AFF3: variants seen among roughly 807,000 people sequenced by gnomAD.
AFF3 encodes the protein ALF transcription elongation factor 3, also known as AF4/FMR2 family member 3.
A neutral mutation model predicts 129.7 loss-of-function variants in AFF3; 32 were observed. The observed-to-expected ratio is 0.25, with a 90% CI of 0.19 to 0.33. AFF3 has a LOEUF of 0.33. Among genes scored for constraint, AFF3 ranks in the 10% least tolerant of loss-of-function variants. The pLI is 1.00. For missense variants in AFF3, 1,373 were observed against 1,592.0 expected (o/e 0.86, Z 2.34); for synonymous variants, 644 against 635.4 (o/e 1.01, Z -0.20).
intron 11 of AFF3, among the ~76,000 whole-genome samples, chr2:99,706,630 T>C (rs751111785): frequency 1.6e-4 from 25 of 152,228 alleles, no homozygotes; most frequent in Non-Finnish European, 1.8e-4. Context: ...GGAAGGACTA[T>C]AGAAAAGGCA....
intron 7 of AFF3, among the ~76,000 whole-genome samples, chr2:99,898,512 T>A (rs1163861203): frequency 2.6e-5 from 4 of 152,202 alleles, no homozygotes; most frequent in Admixed American, 2.0e-4. Context: ...GAACAAGCTC[T>A]TCCTCAGGAA....
intron 18 of AFF3, 120 bp downstream of exon 18, chr2:99,578,207 G>C (rs528473631): frequency 2.9e-6 from 4 of 1,367,754 alleles, no homozygotes; most frequent in South Asian, 1.7e-5. Flanking sequence ...CCAAGTCCCA[G>C]GGGAAAAAAA....
intron 11 of AFF3, among the ~76,000 whole-genome samples, chr2:99,715,062 G>T (rs980240027): frequency 1.3e-5 from 2 of 152,310 alleles, no homozygotes; most frequent in South Asian, 2.1e-4. Context: ...TCAGCCTCCT[G>T]CAGGACCTGC....
At chr2:100,001,627 C>T (rs535377047) in intron 7 of AFF3, among the ~76,000 whole-genome samples, 2 of 152,300 alleles carry the variant, frequency 1.3e-5, no homozygotes, top group African/African-American at 4.8e-5. Context: ...CGAGGTTTAC[C>T]GTGTTGGCCA....
intron 8 of AFF3, among the ~76,000 whole-genome samples, chr2:99,775,751 A>T (rs931108059): frequency 6.6e-6 from 1 of 152,192 alleles, no homozygotes; most frequent in African/African-American, 2.4e-5. Context: ...GCTCTCAAGA[A>T]GAAAGCCATT....
chr2:99,559,365 T>G, intron 21 of AFF3, among the ~76,000 whole-genome samples: 1 of 152,234 alleles, frequency 6.6e-6, no homozygotes, highest in East Asian at 1.9e-4. Context: ...CGCTGCCACC[T>G]GATGTTACTG....
chr2:99,998,086 C>A (rs1681023330), intron 7 of AFF3, among the ~76,000 whole-genome samples: 1 of 152,196 alleles, frequency 6.6e-6, no homozygotes, highest in Non-Finnish European at 1.5e-5. Flanking sequence ...CAGGAAGGCT[C>A]CTCTGACTTT....
chr2:99,777,031 T>A (rs1411397223), intron 8 of AFF3, among the ~76,000 whole-genome samples: 1 of 152,160 alleles, frequency 6.6e-6, no homozygotes, highest in Non-Finnish European at 1.5e-5. Context: ...CAAACACACA[T>A]ATGCTAAAGC....
At chr2:99,610,918 G>A (rs954521551) in intron 13 of AFF3, among the ~76,000 whole-genome samples, 1 of 152,098 alleles carries the variant, frequency 6.6e-6, no homozygotes, top group Non-Finnish European at 1.5e-5. Context: ...CTGGAACTCT[G>A]ATGACACCCA....
At chr2:100,073,299 T>C (rs1688343002) in intron 4 of AFF3, among the ~76,000 whole-genome samples, 1 of 152,230 alleles carries the variant, frequency 6.6e-6, no homozygotes, top group Admixed American at 6.5e-5. Flanking sequence ...GACACAGGCA[T>C]GCACACAGGC....
intron 15 of AFF3, among the ~76,000 whole-genome samples, chr2:99,591,803 C>T (rs1280734155): frequency 1.3e-5 from 2 of 152,234 alleles, no homozygotes; most frequent in Admixed American, 6.5e-5. Flanking sequence ...GGGTTAATTC[C>T]TGGCTCAGCC....
chr2:99,788,374 G>A (rs1684959747), intron 8 of AFF3, among the ~76,000 whole-genome samples: 1 of 152,160 alleles, frequency 6.6e-6, no homozygotes, highest in Non-Finnish European at 1.5e-5. Flanking sequence ...GACAAGATGT[G>A]GAGGTGGAGG....
chr2:99,755,508 C>A (rs886260847), intron 8 of AFF3, among the ~76,000 whole-genome samples: 1 of 152,144 alleles, frequency 6.6e-6, no homozygotes, highest in Non-Finnish European at 1.5e-5. Flanking sequence ...CTCAGGTGAT[C>A]CGCCTGCCTT....
At chr2:99,569,382 T>G (rs1040241134) in intron 18 of AFF3, among the ~76,000 whole-genome samples, 2 of 152,216 alleles carry the variant, frequency 1.3e-5, no homozygotes, top group African/African-American at 4.8e-5. Flanking sequence ...TACCTAGAGT[T>G]TTATGTATAT....
intron 7 of AFF3, among the ~76,000 whole-genome samples, chr2:99,843,348 C>T (rs1020489567): frequency 1.3e-5 from 2 of 152,210 alleles, no homozygotes; most frequent in African/African-American, 4.8e-5. Flanking sequence ...TGCTCCCAAT[C>T]CCCAAGCTAG....
chr2:99,991,788 C>T lies in AFF3; in HGVS notation c.873+14844G>A, dbSNP rs570430064. Among the ~76,000 whole-genome samples the T allele has an allele frequency of 3.9e-5, 6 of 151,952 alleles. No homozygotes were observed. The South Asian group carries it at 6.3e-4, about 16-fold the overall frequency. On this transcript the variant is annotated intron_variant, in intron 7 of 24. Coordinates refer to ENST00000672756, the MANE Select transcript of AFF3 (RefSeq NM_001386135.1). Reference sequence around the variant, plus strand: ...CGTGGTGGCGCATACCTGTAACCCTCGCTACTCAGGAGGCTGAGGCAGGAG... The same window carrying T: ...CGTGGTGGCGCATACCTGTAACCCTTGCTACTCAGGAGGCTGAGGCAGGAG...
intron 4 of AFF3, among the ~76,000 whole-genome samples, chr2:100,019,342 A>C (rs181119900): frequency 3.9e-5 from 6 of 152,214 alleles, no homozygotes; most frequent in Admixed American, 3.9e-4. Context: ...GAATCAACTT[A>C]CCTGTGAGGT....
At chr2:99,572,211 T>G (rs997242497) in intron 18 of AFF3, among the ~76,000 whole-genome samples, 1 of 151,750 alleles carries the variant, frequency 6.6e-6, no homozygotes, top group Non-Finnish European at 1.5e-5. Flanking sequence ...GCATCTTCAT[T>G]ATGAGAGCTC....
chr2:99,674,732 C>A (rs78261548), intron 11 of AFF3, among the ~76,000 whole-genome samples: 1 of 152,066 alleles, frequency 6.6e-6, no homozygotes, highest in East Asian at 1.9e-4. Context: ...CAATACTGTG[C>A]GTGGATTGGA....
Sources: gnomAD v4.1 joint callset for allele counts (sites outside exome capture counted in the v4.1 genomes callset) on GRCh38, gnomAD v4.1.1 for gene constraint, MANE v1.5 for transcripts, NCBI Gene and HGNC (gene_info 2026-07-23, HGNC 2026-07-21) for gene names.